The following STAG1 variants were observed in gnomAD, a reference collection of about 807,000 sequenced individuals.
STAG1 encodes STAG1 cohesin complex component.
A neutral mutation model predicts 170.9 loss-of-function variants in STAG1; 26 were observed. That is an observed-to-expected ratio of 0.15 (90% confidence interval 0.11 to 0.21). The LOEUF is 0.21. Ranked by LOEUF, STAG1 falls within the 10% of genes least tolerant of loss-of-function variation. STAG1 has a pLI of 1.00. For missense variants in STAG1, 964 were observed against 1,509.5 expected, an observed-to-expected ratio of 0.64 and a Z score of 5.99; for synonymous variants, 514 against 497.7, an observed-to-expected ratio of 1.03 and a Z score of -0.44.
chr3:136,649,503 C>CA (rs761067087), intron 1 of STAG1, among the ~76,000 whole-genome samples: 14,482 of 71,178 alleles, frequency 0.2, 1,594 homozygotes, highest in African/African-American at 0.41. Context: ...AAAACAGAAA[C>CA]AAAAAAAAAA....
At chr3:136,747,093 T>TTA (rs1246647616) in intron 1 of STAG1, among the ~76,000 whole-genome samples, 4 of 59,340 alleles carry the variant, frequency 6.7e-5, no homozygotes, top group South Asian at 5.1e-4. Flanking sequence ...TGAAACTGTC[T>TTA]AAAAAAAAAA....
chr3:136,567,065 T>C (rs192421597), intron 5 of STAG1, among the ~76,000 whole-genome samples: 17 of 152,350 alleles, frequency 1.1e-4, no homozygotes, highest in Admixed American at 7.8e-4. Context: ...TAAGAGCAGT[T>C]AACTATGTGT....
chr3:136,502,059 T>C (rs996039417), intron 8 of STAG1, among the ~76,000 whole-genome samples: 7 of 152,058 alleles, frequency 4.6e-5, no homozygotes. Flanking sequence ...CACATGCCTG[T>C]ACTCCCAGCT....
chr3:136,610,843 T>C (rs919360953), intron 3 of STAG1, among the ~76,000 whole-genome samples: 12 of 152,182 alleles, frequency 7.9e-5, no homozygotes, highest in South Asian at 2.1e-4. Context: ...TCATGGAGAA[T>C]AGTTTACTTT....
intron 5 of STAG1, among the ~76,000 whole-genome samples, chr3:136,559,120 A>ACTAC (rs61546692): frequency 7.4e-5 from 8 of 108,568 alleles, no homozygotes; most frequent in South Asian, 3.8e-4. Context: ...ATAACACTGA[A>ACTAC]CTACCTATCT....
intron 15 of STAG1, among the ~76,000 whole-genome samples, chr3:136,434,804 C>G (rs1462391942): frequency 6.6e-6 from 1 of 152,120 alleles, no homozygotes; most frequent in Non-Finnish European, 1.5e-5. Context: ...CGTGTGCTTG[C>G]TTGCTCTTTT....
At chr3:136,485,882 A>G (rs2090000635) in intron 9 of STAG1, among the ~76,000 whole-genome samples, 1 of 152,212 alleles carries the variant, frequency 6.6e-6, no homozygotes. Flanking sequence ...GTTCCTTTCT[A>G]TAAACAATTA....
intron 1 of STAG1, among the ~76,000 whole-genome samples, chr3:136,695,052 C>G (rs978036285): frequency 1.3e-5 from 2 of 152,122 alleles, no homozygotes; most frequent in African/African-American, 4.8e-5. Context: ...ATTTGGATGC[C>G]TGAAGATACC....
At chr3:136,646,506 A>G (rs545792809) in intron 1 of STAG1, among the ~76,000 whole-genome samples, 1 of 152,284 alleles carries the variant, frequency 6.6e-6, no homozygotes, top group Admixed American at 6.5e-5. Flanking sequence ...TTATCCTTCA[A>G]TACTATCTCA....
At chr3:136,476,709 C>T (rs2089759471) in intron 10 of STAG1, among the ~76,000 whole-genome samples, 1 of 152,106 alleles carries the variant, frequency 6.6e-6, no homozygotes, top group South Asian at 2.1e-4. Context: ...CTCTAATATA[C>T]TCTAATATTA....
At chr3:136,357,185 T>C (rs998078149) in intron 28 of STAG1, among the ~76,000 whole-genome samples, 1 of 152,084 alleles carries the variant, frequency 6.6e-6, no homozygotes, top group Non-Finnish European at 1.5e-5. Flanking sequence ...TCTGACCTTG[T>C]GATCCGCCCG....
chr3:136,497,005 G>A (rs1010971245), intron 9 of STAG1, among the ~76,000 whole-genome samples: 17 of 151,734 alleles, frequency 1.1e-4, no homozygotes, highest in African/African-American at 3.9e-4. Flanking sequence ...CAACCACCAA[G>A]ATGAATGTAC....
At chr3:136,544,620 C>T (rs1936068114) in intron 5 of STAG1, among the ~76,000 whole-genome samples, 2 of 151,706 alleles carry the variant, frequency 1.3e-5, no homozygotes, top group Non-Finnish European at 2.9e-5. Flanking sequence ...AAAAAACAGC[C>T]GGGTGTGGGT....
rs902907822 is a variant in STAG1 at position 136,447,596 on chromosome 3, A to G, written c.1429-4192T>C. Among the ~76,000 whole-genome samples the G allele has an allele frequency of 5.1e-4, 38 of 74,326 alleles. 2 individuals are homozygous for G. The South Asian group carries it at 0.026, about 50-fold the overall frequency. The allele number at this position is 74,326 out of a possible 152,430, so 48.8% of individuals were successfully genotyped here. On this transcript the variant is annotated intron_variant, in intron 14 of 33. Transcript: ENST00000383202. ...TCCTTATCCCTCTGAAAAGCATCAC[A>G]TTTTTTTTTTTTTTTTTTTTTTTTT...
chr3:136,367,432 G>C (rs554768337), intron 24 of STAG1, among the ~76,000 whole-genome samples: 1 of 152,000 alleles, frequency 6.6e-6, no homozygotes, highest in East Asian at 1.9e-4. Context: ...TAAGAGATTT[G>C]GGCATCCATG....
At chr3:136,669,611 A>T (rs9818372) in intron 1 of STAG1, among the ~76,000 whole-genome samples, 52,951 of 152,036 alleles carry the variant, frequency 0.35, 10,350 homozygotes, top group African/African-American at 0.52. Context: ...TGCCTGCCTC[A>T]GCCTCCCAAA....
intron 5 of STAG1, among the ~76,000 whole-genome samples, chr3:136,567,470 C>T (rs767455631): frequency 2.6e-5 from 4 of 152,188 alleles, no homozygotes; most frequent in Non-Finnish European, 4.4e-5. Flanking sequence ...ATCCTTCTAA[C>T]TTCCTTTTAC....
chr3:136,610,406 ATT>A (rs1261700346), intron 3 of STAG1, among the ~76,000 whole-genome samples: 1 of 152,198 alleles, frequency 6.6e-6, no homozygotes, highest in Non-Finnish European at 1.5e-5. Context: ...CCCTGTCAGA[ATT>A]GTGTGCACTC....
intron 5 of STAG1, among the ~76,000 whole-genome samples, chr3:136,545,338 G>A (rs1370238214): frequency 2.0e-5 from 3 of 152,122 alleles, no homozygotes; most frequent in African/African-American, 7.2e-5. Flanking sequence ...AAACTGCTGG[G>A]ATTACAGGCG....
Sources: gnomAD v4.1 joint callset for allele counts (sites outside exome capture counted in the v4.1 genomes callset) on GRCh38, gnomAD v4.1.1 for gene constraint, MANE v1.5 for transcripts, NCBI Gene and HGNC (gene_info 2026-07-23, HGNC 2026-07-21) for gene names.